Variants in P2RY8 observed in about 807,000 individuals in gnomAD.
P2RY8 encodes S-geranylgeranyl-glutathione receptor P2RY8.
Under a neutral mutation model 10.0 loss-of-function variants are expected in P2RY8, and 6 were observed. That is an observed-to-expected ratio of 0.60 (90% CI 0.33 to 1.19). The LOEUF (loss-of-function observed/expected upper bound fraction) is 1.19. Among genes scored for constraint, P2RY8 ranks in the 50% most tolerant of loss-of-function variants. The pLI is 0.04. For synonymous variants in P2RY8, 276 were observed against 252.5 expected, an observed-to-expected ratio of 1.09 and a Z score of -0.88; for missense variants, 456 against 542.0, an observed-to-expected ratio of 0.84 and a Z score of 1.58.
At chrX:1,484,449 G>A (rs1331818165) in intron 1 of P2RY8, among the ~76,000 whole-genome samples, 3 of 152,016 alleles carry the variant, frequency 2.0e-5, no homozygotes, top group Non-Finnish European at 2.9e-5. Context: ...ATTACAGGCC[G>A]GGCGCGGTGG....
intron 1 of P2RY8, among the ~76,000 whole-genome samples, chrX:1,508,334 T>C (rs61043500): frequency 0.082 from 12,536 of 152,138 alleles, 1,318 homozygotes; most frequent in African/African-American, 0.25. Context: ...CTGGCTGTCA[T>C]GACGGGGTGG....
chrX:1,466,780 C>T (rs1287234765), intron 1 of P2RY8, among the ~76,000 whole-genome samples, 198 bp from the exon 2 acceptor site: 1 of 150,326 alleles, frequency 6.7e-6, no homozygotes, highest in Admixed American at 6.6e-5. Context: ...TGCCTCCTTT[C>T]TTCACCCTGT....
rs1408368388 is a variant in P2RY8, at chrX:1,466,450, T to C, written c.109A>G (p.Ser37Gly). 1 of 1,612,382 alleles carries C rather than the reference T, an allele frequency of 6.2e-7. No homozygotes were observed. The highest frequency in any genetic ancestry group is 8.5e-7 in the Non-Finnish European group (1 of 1,179,802). The stretch of plus-strand genomic sequence containing the variant: ...AGAGAGAAGAGGTTGCCCGGGATGC[T>C]GACCGCCGCCACCAGCGAGTACACC... ...PVVYSLVAAVSIPGNLFSLWV... is the reference protein window; with the variant it reads ...PVVYSLVAAVGIPGNLFSLWV... The change falls in exon 2 of 2, where the codon AGC (serine) becomes GGC (glycine). Residue 37 changes from serine (S) to glycine (G), a missense_variant. Transcript: ENST00000381297.
chrX:1,533,844 T>G (rs191157287), intron 1 of P2RY8, among the ~76,000 whole-genome samples: 10,015 of 120,768 alleles, frequency 0.083, 540 homozygotes, highest in Middle Eastern at 0.14. Context: ...TATATTTATT[T>G]AAATATATTA....
Position 1,466,095 on chromosome X carries a change from A to T in P2RY8, c.464T>A (p.Leu155Gln). The change falls in exon 2 of 2, where the codon CTG (leucine) becomes CAG (glutamine). Residue 155 changes from leucine (L) to glutamine (Q), a missense_variant. Coordinates refer to ENST00000381297, the MANE Select transcript of P2RY8 (RefSeq NM_178129.5). ...GAGATCGGTGCGCGCCAGCGGGGACAGGGCGGTCAGGAGCAGCAGCCAGGT... is the reference window on the plus strand; with the variant it reads ...GAGATCGGTGCGCGCCAGCGGGGACTGGGCGGTCAGGAGCAGCAGCCAGGT... ...AGTWLLLLTA[L>Q]SPLARTDLTY... The T allele has an allele frequency of 6.2e-7, 1 of 1,611,616 alleles. No homozygotes were observed. Among genetic ancestry groups the T allele is most frequent in the Non-Finnish European group, 8.5e-7 (1 of 1,179,614 alleles).
rs112923286 is a variant in P2RY8 at position 1,499,646 on chromosome X, A to G, written c.-24-33064T>C. On this transcript the variant is annotated intron_variant, in intron 1 of 1. Coordinates refer to ENST00000381297, the MANE Select transcript of P2RY8 (RefSeq NM_178129.5). ...ATGTGTCATTAGGTGAAACGTATTA[A>G]TAAGGAAAAAAAAGAAATAAAAACA... 8.6e-3 allele frequency among the ~76,000 whole-genome samples: 1,313 copies of G among 152,214 alleles called. 15 individuals carry two copies. Among genetic ancestry groups the G allele is most frequent in the African/African-American group, 0.029 (1,198 of 41,552 alleles).
intron 1 of P2RY8, among the ~76,000 whole-genome samples, chrX:1,505,821 A>C (rs1456127887): frequency 6.6e-6 from 1 of 152,078 alleles, no homozygotes; most frequent in Non-Finnish European, 1.5e-5. Context: ...CACAAAAAAC[A>C]AAAAACAAAA....
intron 1 of P2RY8, among the ~76,000 whole-genome samples, chrX:1,508,413 C>T (rs1281278871): frequency 6.6e-6 from 1 of 152,156 alleles, no homozygotes; most frequent in African/African-American, 2.4e-5. Context: ...CACGGGACGG[C>T]CCTGCCACAG....
Position 1,464,079 on chromosome X carries a change from A to G in P2RY8, c.*1400T>C, listed in dbSNP as rs1265411405. 1 of 233,188 alleles carries G rather than the reference A, an allele frequency of 4.3e-6. No individual in the cohort carries two copies. Among genetic ancestry groups the G allele is most frequent in the Non-Finnish European group, 8.5e-6 (1 of 118,062 alleles). The allele number at this position is 233,188 out of a possible 1,614,324, so 14.4% of individuals were successfully genotyped here. ...CCGAACAGCAGCTTCAGCCTCCATC[A>G]GCGTCCCCAGTGCACAGAAAGGGAG... On this transcript the variant is annotated 3_prime_UTR_variant, in exon 2 of 2. Transcript: ENST00000381297.
chrX:1,478,625 C>A (rs1263057302), intron 1 of P2RY8, among the ~76,000 whole-genome samples: 1 of 151,926 alleles, frequency 6.6e-6, no homozygotes, highest in Non-Finnish European at 1.5e-5. Flanking sequence ...ACTACAGGCG[C>A]CTGCCACCAT....
At chrX:1,518,339 T>G (rs2092366132) in intron 1 of P2RY8, among the ~76,000 whole-genome samples, 1 of 149,270 alleles carries the variant, frequency 6.7e-6, no homozygotes, top group Non-Finnish European at 1.5e-5. Flanking sequence ...GGCAGGAGAA[T>G]GGCGTGAACC....
chrX:1,465,776 G>A lies in P2RY8; in HGVS notation c.783C>T (p.Ile261=). The A allele has an allele frequency of 1.2e-6, 2 of 1,613,530 alleles. No homozygotes were observed. The highest frequency in any genetic ancestry group is 1.7e-6 in the Non-Finnish European group (2 of 1,179,838). The change falls in exon 2 of 2, where the codon ATC becomes ATT. Residue 261 remains isoleucine (I), a synonymous_variant. Transcript: ENST00000381297. ...TCTTGCCGTAGAACAGGCGGCTCAC[G>A]ATGTGCGCCAGGAGCACGAAGTTGT... ...APNNFVLLAH[I]VSRLFYGKSY...
intron 1 of P2RY8, among the ~76,000 whole-genome samples, chrX:1,507,677 C>T (rs1327120652): frequency 4.6e-5 from 7 of 152,150 alleles, no homozygotes; most frequent in South Asian, 2.1e-4. Context: ...GCGCGATTTC[C>T]GCCCCCCTGC....
chrX:1,532,170 A>G (rs1389403084), intron 1 of P2RY8, among the ~76,000 whole-genome samples: 1 of 152,074 alleles, frequency 6.6e-6, no homozygotes, highest in Non-Finnish European at 1.5e-5. Context: ...ACAATTTGCA[A>G]TTGCAAAAAT....
intron 1 of P2RY8, among the ~76,000 whole-genome samples, chrX:1,534,709 AG>A (rs1451168691): frequency 6.6e-6 from 1 of 152,062 alleles, no homozygotes; most frequent in East Asian, 1.9e-4. Flanking sequence ...CTCAGACGAG[AG>A]GGGGCCATCT....
chrX:1,533,318 TAA>T (rs1355940269), intron 1 of P2RY8, among the ~76,000 whole-genome samples: 2 of 148,542 alleles, frequency 1.3e-5, no homozygotes, highest in Non-Finnish European at 3.0e-5. Flanking sequence ...TTGAGGCAAA[TAA>T]AAGAGATTGC....
intron 1 of P2RY8, among the ~76,000 whole-genome samples, chrX:1,488,731 A>AGG (rs1278593418): frequency 7.7e-4 from 85 of 110,626 alleles, no homozygotes; most frequent in African/African-American, 2.4e-3. Context: ...TGGTAAATGC[A>AGG]GGGTGTGTGT....
At chrX:1,503,823 A>C (rs2092203170) in intron 1 of P2RY8, among the ~76,000 whole-genome samples, 1 of 151,924 alleles carries the variant, frequency 6.6e-6, no homozygotes, top group South Asian at 2.1e-4. Context: ...TGAACCCGGG[A>C]GGCAGAGGTT....
At chrX:1,534,080 A>T (rs1190884242) in intron 1 of P2RY8, among the ~76,000 whole-genome samples, 2 of 130,100 alleles carry the variant, frequency 1.5e-5, no homozygotes, top group Non-Finnish European at 3.1e-5. Context: ...TTTATATATA[A>T]TATATTTACA....
Sources: gnomAD v4.1 joint callset for allele counts (sites outside exome capture counted in the v4.1 genomes callset) on GRCh38, gnomAD v4.1.1 for gene constraint, MANE v1.5 for transcripts, NCBI Gene and HGNC (gene_info 2026-07-23, HGNC 2026-07-21) for gene names.